The following NOL4 variants were observed in gnomAD, a reference collection of about 807,000 sequenced individuals.
NOL4 encodes cancer/testis antigen 125.
NOL4 carries 17 observed loss-of-function variants against 75.9 expected under a neutral mutation model. The observed-to-expected ratio is 0.22, with a 90% CI of 0.15 to 0.34. The LOEUF (loss-of-function observed/expected upper bound fraction) is 0.34. Among genes scored for constraint, NOL4 ranks in the 10% least tolerant of loss-of-function variants. NOL4 has a pLI of 1.00. For missense variants in NOL4, 614 were observed against 793.5 expected (o/e 0.77, Z 2.72); for synonymous variants, 292 against 289.9 (o/e 1.01, Z -0.07).
intron 5 of NOL4, among the ~76,000 whole-genome samples, chr18:34,044,763 G>A (rs1159608781): frequency 2.0e-5 from 3 of 151,952 alleles, no homozygotes; most frequent in East Asian, 1.9e-4. Context: ...AATCAAATTC[G>A]TTCCTGCCTC....
chr18:33,920,208 CAGAA>C, intron 9 of NOL4, among the ~76,000 whole-genome samples: 1 of 151,982 alleles, frequency 6.6e-6, no homozygotes, highest in African/African-American at 2.4e-5. Context: ...AGAGACGAGA[CAGAA>C]GGAGAGAGAG....
intron 4 of NOL4, among the ~76,000 whole-genome samples, chr18:34,096,230 A>G (rs1284772488): frequency 6.6e-6 from 1 of 152,050 alleles, no homozygotes; most frequent in Non-Finnish European, 1.5e-5. Flanking sequence ...ATTATTTACC[A>G]TCATAAGTGG....
At chr18:34,018,536 G>A (rs1237973632) in intron 6 of NOL4, among the ~76,000 whole-genome samples, 1 of 152,078 alleles carries the variant, frequency 6.6e-6, no homozygotes, top group Non-Finnish European at 1.5e-5. Context: ...AGAGGTAAGG[G>A]CTGGGGAAGG....
At chr18:34,048,693 G>T in intron 5 of NOL4, 1 of 732,708 alleles carries the variant, frequency 1.4e-6, no homozygotes, top group Non-Finnish European at 1.7e-6. Flanking sequence ...AAGACTCAGG[G>T]AAACATGCAC....
intron 6 of NOL4, among the ~76,000 whole-genome samples, chr18:33,992,427 A>G (rs1322749000): frequency 6.6e-6 from 1 of 152,016 alleles, no homozygotes; most frequent in Non-Finnish European, 1.5e-5. Flanking sequence ...ATTATAAAAC[A>G]TACAACGAAC....
chr18:34,011,967 T>C (rs1168666828), intron 6 of NOL4, among the ~76,000 whole-genome samples: 1 of 151,928 alleles, frequency 6.6e-6, no homozygotes, highest in Non-Finnish European at 1.5e-5. Context: ...CCTTGCACTT[T>C]TCAAGGCATA....
chr18:34,032,866 C>A (rs938976112), intron 5 of NOL4, among the ~76,000 whole-genome samples: 6 of 152,124 alleles, frequency 3.9e-5, no homozygotes, highest in Admixed American at 1.3e-4. Flanking sequence ...TCCTGACATC[C>A]TAGCCCACAG....
intron 9 of NOL4, among the ~76,000 whole-genome samples, chr18:33,918,388 T>C (rs969608358): frequency 6.6e-6 from 1 of 152,240 alleles, no homozygotes; most frequent in African/African-American, 2.4e-5. Context: ...CACTGATGTG[T>C]ATTCATATAT....
intron 9 of NOL4, among the ~76,000 whole-genome samples, chr18:33,907,478 A>AAT (rs1388939674): frequency 6.6e-6 from 1 of 152,192 alleles, no homozygotes; most frequent in African/African-American, 2.4e-5. Context: ...CTCCCAAAGC[A>AAT]ATAATCTAAG....
At chr18:33,944,649 A>G (rs980915855) in intron 8 of NOL4, among the ~76,000 whole-genome samples, 1 of 151,924 alleles carries the variant, frequency 6.6e-6, no homozygotes, top group Non-Finnish European at 1.5e-5. Flanking sequence ...TTTTGCAAAA[A>G]AGAAGAAAAG....
chr18:34,185,696 T>C (rs777553661), intron 1 of NOL4, among the ~76,000 whole-genome samples: 33 of 152,180 alleles, frequency 2.2e-4, no homozygotes, highest in Non-Finnish European at 3.7e-4. Context: ...TATTCTGCAC[T>C]TTCTTTCACT....
At chr18:33,993,641 T>C (rs2073076084) in intron 6 of NOL4, among the ~76,000 whole-genome samples, 1 of 151,876 alleles carries the variant, frequency 6.6e-6, no homozygotes, top group Non-Finnish European at 1.5e-5. Context: ...GAGCAGATGT[T>C]AGGTTTAACA....
chr18:34,149,053 A>C (rs1478305331), intron 1 of NOL4, among the ~76,000 whole-genome samples: 1 of 151,666 alleles, frequency 6.6e-6, no homozygotes, highest in Non-Finnish European at 1.5e-5. Context: ...TGGCTAATTC[A>C]GTGTTTGACT....
intron 6 of NOL4, among the ~76,000 whole-genome samples, chr18:34,002,359 T>C (rs2073774626): frequency 6.6e-6 from 1 of 152,084 alleles, no homozygotes; most frequent in East Asian, 1.9e-4. Flanking sequence ...TGTTTCCACC[T>C]GGGGCTAGAC....
intron 8 of NOL4, 59 bp from the exon 9 acceptor site, chr18:33,943,237 A>C: frequency 7.2e-6 from 8 of 1,109,210 alleles, no homozygotes; most frequent in Non-Finnish European, 1.1e-5. Context: ...TAACAGGCCA[A>C]TGCTATTCTC....
chr18:34,082,614 C>T (rs2078062437), intron 5 of NOL4, among the ~76,000 whole-genome samples: 1 of 152,148 alleles, frequency 6.6e-6, no homozygotes, highest in African/African-American at 2.4e-5. Flanking sequence ...AAACAAACTA[C>T]TGGTTCTGCT....
At chr18:34,201,325 G>C (rs1417485864) in intron 1 of NOL4, among the ~76,000 whole-genome samples, 1 of 151,714 alleles carries the variant, frequency 6.6e-6, no homozygotes, top group East Asian at 1.9e-4. Context: ...TAGATAATCT[G>C]AGGCACAGAG....
chr18:33,862,937 C>T (rs191710188), intron 10 of NOL4, among the ~76,000 whole-genome samples: 84 of 152,180 alleles, frequency 5.5e-4, no homozygotes, highest in Non-Finnish European at 7.6e-4. Context: ...ACCCAAAGGA[C>T]GATAAATCAT....
chr18:34,113,211 C>G (rs920222826), intron 2 of NOL4, among the ~76,000 whole-genome samples: 4 of 152,138 alleles, frequency 2.6e-5, no homozygotes, highest in Admixed American at 2.6e-4. Flanking sequence ...AACTCCTAGC[C>G]TCCAGCAATC....
Sources: gnomAD v4.1 joint callset for allele counts (sites outside exome capture counted in the v4.1 genomes callset) on GRCh38, gnomAD v4.1.1 for gene constraint, MANE v1.5 for transcripts, NCBI Gene and HGNC (gene_info 2026-07-23, HGNC 2026-07-21) for gene names.